SORCS1: variants seen among roughly 807,000 people sequenced by gnomAD.
The protein encoded by SORCS1 is sortilin related VPS10 domain containing receptor 1.
SORCS1 carries 60 observed loss-of-function variants against 146.1 expected under a neutral mutation model. The observed-to-expected ratio is 0.41, with a 90% CI of 0.33 to 0.51. SORCS1 has a LOEUF of 0.51. Among genes scored for constraint, SORCS1 ranks in the 20% least tolerant of loss-of-function variants. The pLI, the probability that SORCS1 is intolerant of heterozygous loss-of-function variation, is 0.21. For missense variants in SORCS1, 1,352 were observed against 1,487.6 expected (o/e 0.91, Z 1.50); for synonymous variants, 637 against 584.0 (o/e 1.09, Z -1.31).
At chr10:106,726,820 C>T (rs536189419) in intron 6 of SORCS1, among the ~76,000 whole-genome samples, 2 of 152,130 alleles carry the variant, frequency 1.3e-5, no homozygotes, top group Admixed American at 1.3e-4. Context: ...GGTGCGGTGG[C>T]TCACGCCTAT....
In SORCS1 at chr10:107,091,813, C is replaced by T. The variant is rs186171115; in HGVS notation, c.558+72156G>A. On this transcript the variant is annotated intron_variant, in intron 1 of 25. Transcript: ENST00000263054. Reference sequence around the variant, plus strand: ...ATTTTATTTTCTTCAACTCTTTTCACTCTTCCAGATGGTAAAATGCAAAAA... The same window carrying T: ...ATTTTATTTTCTTCAACTCTTTTCATTCTTCCAGATGGTAAAATGCAAAAA... Among the ~76,000 whole-genome samples, 270 of 152,320 alleles carry T rather than the reference C, an allele frequency of 1.8e-3. 3 individuals are homozygous for T. Among genetic ancestry groups the T allele is most frequent in the Non-Finnish European group, 2.0e-3 (136 of 68,028 alleles).
intron 1 of SORCS1, among the ~76,000 whole-genome samples, chr10:106,980,176 A>C (rs1956191841): frequency 6.6e-6 from 1 of 152,218 alleles, no homozygotes; most frequent in Non-Finnish European, 1.5e-5. Flanking sequence ...AACAAACAAA[A>C]AAAGCAAATC....
At chr10:106,771,031 A>G (rs960332812) in intron 4 of SORCS1, among the ~76,000 whole-genome samples, 4 of 152,206 alleles carry the variant, frequency 2.6e-5, no homozygotes, top group African/African-American at 4.8e-5. Flanking sequence ...AAGGACAGCA[A>G]GGGGCCTCTG....
the SORCS1 span, among the ~76,000 whole-genome samples, chr10:107,175,883 T>C: frequency 6.6e-6 from 1 of 152,360 alleles, no homozygotes; most frequent in Admixed American, 6.5e-5. Flanking sequence ...TCTATATTAA[T>C]GTCCTCTTCT....
At chr10:106,810,463 G>C (rs1564686264) in intron 3 of SORCS1, among the ~76,000 whole-genome samples, 1 of 152,100 alleles carries the variant, frequency 6.6e-6, no homozygotes. Flanking sequence ...AAGCCTATGT[G>C]GGATGCCTGT....
chr10:107,164,212 G>A lies in SORCS1; in HGVS notation c.315C>T (p.Ser105=), dbSNP rs772387950. ...CCGCTCCGCTCCGTCTCCTCCGGCC[G>A]GAGCGTGCAGCAACCGCCATGGATG... is the stretch of plus-strand genomic sequence containing the variant. The part of the protein sequence containing the change: ...TGASMAVAAR[S]GRRRRSGADQ... The change falls in exon 1 of 26, where the codon TCC becomes TCT. Residue 105 remains serine, a synonymous_variant. Transcript: ENST00000263054. The surrounding 1 kb of genome is among the most constrained non-coding windows in gnomAD (Gnocchi z 6.8). 104 of 1,608,976 alleles carry A rather than the reference G, an allele frequency of 6.5e-5. No individual in the cohort carries two copies. Among genetic ancestry groups the A allele is most frequent in the Non-Finnish European group, 8.1e-5 (96 of 1,179,744 alleles).
chr10:106,829,110 T>C (rs1056367179), intron 3 of SORCS1, among the ~76,000 whole-genome samples: 3 of 152,252 alleles, frequency 2.0e-5, no homozygotes, highest in Non-Finnish European at 4.4e-5. Flanking sequence ...GACATTTGTG[T>C]GCAGACTGAA....
At chr10:107,068,386 A>G (rs950050361) in intron 1 of SORCS1, among the ~76,000 whole-genome samples, 2 of 152,198 alleles carry the variant, frequency 1.3e-5, no homozygotes, top group African/African-American at 4.8e-5. Context: ...ATTCCTCAGG[A>G]TATTATGAAG....
chr10:106,848,168 T>C (rs1239218365), intron 2 of SORCS1, among the ~76,000 whole-genome samples: 1 of 88,484 alleles, frequency 1.1e-5, no homozygotes, highest in African/African-American at 4.3e-5. Flanking sequence ...TTGATCTGTC[T>C]AATGTTGACA....
chr10:106,797,121 A>C (rs1946607566), intron 3 of SORCS1, among the ~76,000 whole-genome samples: 1 of 152,068 alleles, frequency 6.6e-6, no homozygotes, highest in Admixed American at 6.6e-5. Flanking sequence ...AGATAATAAT[A>C]ATAAAAATAA....
Position 106,776,566 on chromosome 10 carries a change from C to T in SORCS1, c.853G>A (p.Asp285Asn). The change falls in exon 4 of 26, where the codon GAC becomes AAC. Residue 285 changes from aspartate to asparagine, a missense_variant. Physicochemically the swap from Asp to Asn is conservative, Grantham distance 23. Transcript: ENST00000263054. ...QSLLFHPKQE[D>N]WILAYSQDQK... is the part of the protein sequence containing the mutation. ...TCTTGACTGTATGCCAGAATCCAGT[C>T]TTCTTGTTTGGGGTGAAAAAGCAAG... 1 of 1,614,008 alleles carries T rather than the reference C, an allele frequency of 6.2e-7. No homozygotes were observed. The highest frequency in any genetic ancestry group is 8.5e-7 in the Non-Finnish European group (1 of 1,179,914).
At chr10:106,702,011 C>T (rs1854173110) in intron 8 of SORCS1, among the ~76,000 whole-genome samples, 1 of 152,152 alleles carries the variant, frequency 6.6e-6, no homozygotes, top group African/African-American at 2.4e-5. Flanking sequence ...ATACTCAAGT[C>T]CTAACTATAT....
In SORCS1 at chr10:106,986,511, C is replaced by CGTGTGT. The variant is rs58888609; in HGVS notation, c.559-29937_559-29932dup. Among the ~76,000 whole-genome samples the CGTGTGT allele has an allele frequency of 7.6e-3, 1,128 of 148,394 alleles. 17 individuals are homozygous for CGTGTGT. The highest frequency in any genetic ancestry group is 0.021 in the African/African-American group (856 of 40,352). On this transcript the variant is annotated intron_variant, in intron 1 of 25. Transcript: ENST00000263054. ...TGATTCTTAAGAATATATATACAACCGTGTGTGTGTGTGTGTGTGTGTGTG... is the reference window on the plus strand; with the variant it reads ...TGATTCTTAAGAATATATATACAACCGTGTGTGTGTGTGTGTGTGTGTGTGTGTGTG...
chr10:106,807,221 G>A (rs550524716), intron 3 of SORCS1, among the ~76,000 whole-genome samples: 2 of 152,250 alleles, frequency 1.3e-5, no homozygotes, highest in East Asian at 3.9e-4. Context: ...AGGAGAGAGA[G>A]GGAATCTCAG....
intron 2 of SORCS1, among the ~76,000 whole-genome samples, chr10:106,878,779 T>C (rs1299583052): frequency 6.6e-6 from 1 of 150,620 alleles, no homozygotes; most frequent in Non-Finnish European, 1.5e-5. Context: ...AATTTCTAGG[T>C]TTTTTGCATT....
At chr10:107,177,459 C>T in the SORCS1 span, among the ~76,000 whole-genome samples, 2 of 152,112 alleles carry the variant, frequency 1.3e-5, no homozygotes, top group Non-Finnish European at 2.9e-5. Flanking sequence ...CCGCAAAGAT[C>T]TTTATGCTGT....
chr10:106,623,820 C>T (rs1229262884), intron 19 of SORCS1, among the ~76,000 whole-genome samples: 2 of 151,968 alleles, frequency 1.3e-5, no homozygotes, highest in African/African-American at 4.8e-5. Flanking sequence ...GGCGTGCCAC[C>T]AAATCTGGCT....
chr10:106,768,508 T>C (rs1001579858), intron 4 of SORCS1, among the ~76,000 whole-genome samples: 1 of 152,244 alleles, frequency 6.6e-6, no homozygotes, highest in Non-Finnish European at 1.5e-5. Flanking sequence ...AAGGGGCTGC[T>C]AGGTCTATTA....
intron 1 of SORCS1, among the ~76,000 whole-genome samples, chr10:106,967,348 T>G (rs922127714): frequency 6.6e-6 from 1 of 151,978 alleles, no homozygotes; most frequent in Non-Finnish European, 1.5e-5. Context: ...TTTTGACTTT[T>G]TTTTTACATT....
Sources: allele counts gnomAD v4.1 joint callset (sites outside exome capture counted in the v4.1 genomes callset), GRCh38; gene constraint gnomAD v4.1.1; non-coding constraint Gnocchi (gnomAD v3.1); transcripts MANE v1.5; gene names NCBI Gene and HGNC (gene_info 2026-07-23, HGNC 2026-07-21).